FAAP100: variants seen among roughly 807,000 people sequenced by gnomAD.
The protein encoded by FAAP100 is Fanconi anemia core complex-associated protein 100.
In FAAP100, 46 loss-of-function variants were observed where a neutral mutation model predicts 65.8. The ratio of observed to expected loss-of-function variants is 0.70; its 90% CI spans 0.55 to 0.89. The LOEUF is 0.89. Ranked by LOEUF, FAAP100 falls within the 40% of genes least tolerant of loss-of-function variation. The pLI is 0.00. For synonymous variants in FAAP100, 663 were observed against 555.1 expected (o/e 1.19, Z -2.73); for missense variants, 1,165 against 1,196.7 (o/e 0.97, Z 0.39).
chr17:81,543,397 T>G (rs948920779), intron 7 of FAAP100, among the ~76,000 whole-genome samples: 4 of 152,190 alleles, frequency 2.6e-5, no homozygotes, highest in African/African-American at 9.7e-5. Context: ...GCTACAGTCC[T>G]AGCGGGCGGG....
At chr17:81,551,347 C>T in intron 2 of FAAP100, 144 bp from the exon 3 acceptor site, 1 of 775,146 alleles carries the variant, frequency 1.3e-6, no homozygotes, top group South Asian at 2.3e-5. Context: ...TGCCACATGG[C>T]CTCCCACCTT....
upstream of FAAP100, among the ~76,000 whole-genome samples, chr17:81,552,858 C>CG (rs900176822): frequency 6.6e-6 from 1 of 152,010 alleles, no homozygotes; most frequent in African/African-American, 2.4e-5. Flanking sequence ...TGCGAGCCGC[C>CG]CCGGCCGCCC....
rs548183580 is a variant in FAAP100 at position 81,550,176 on chromosome 17, G to C, written c.1246+72C>G. 6,514 of 1,387,934 alleles carry C rather than the reference G, an allele frequency of 4.7e-3. 22 individuals carry two copies. The highest frequency in any genetic ancestry group is 5.4e-3 in the Non-Finnish European group (5,446 of 1,014,458). The allele number at this position is 1,387,934 out of a possible 1,614,324, so 86.0% of individuals were successfully genotyped here. On this transcript the variant is annotated intron_variant, in intron 3 of 8. Transcript: ENST00000327787. ...CAAGCCCAGGAAAGGAAGGCGGCCT[G>C]ATAGTAGCAGACAGCCAAAAAGGGT... is the stretch of plus-strand genomic sequence containing the variant.
Position 81,540,221 on chromosome 17 carries a change from C to T in FAAP100, c.*598G>A, listed in dbSNP as rs2033031515. On this transcript the variant is annotated 3_prime_UTR_variant, in exon 9 of 9. Coordinates refer to ENST00000327787, the MANE Select transcript of FAAP100 (RefSeq NM_025161.6). ...CCTTGGTGTGGCACGAGACCACGGG[C>T]ACTTGCAGGAGCTCCCTGCATGCTG... 2.5e-6 allele frequency: 1 copy of T among 399,016 alleles called. No homozygotes were observed. The allele number at this position is 399,016 out of a possible 1,614,324, so 24.7% of individuals were successfully genotyped here.
intron 5 of FAAP100, 114 bp from the exon 6 acceptor site, chr17:81,545,996 T>G: frequency 7.4e-7 from 1 of 1,354,358 alleles, no homozygotes; most frequent in Admixed American, 2.5e-5. Context: ...CAGAGCCATC[T>G]AAGCATCCCA....
intron 7 of FAAP100, among the ~76,000 whole-genome samples, chr17:81,541,698 C>T (rs2033102141): frequency 6.6e-6 from 1 of 152,200 alleles, no homozygotes; most frequent in Admixed American, 6.5e-5. Flanking sequence ...AGATCCAGAC[C>T]TGCCTACCGC....
At chr17:81,541,041 T>C in intron 8 of FAAP100, 91 bp from the exon 9 acceptor site, 1 of 1,434,580 alleles carries the variant, frequency 7.0e-7, no homozygotes. Context: ...CGCAGGACCC[T>C]ACTTGGGAAG....
At chr17:81,549,466 C>T in intron 3 of FAAP100, 104 bp from the exon 4 acceptor site, 1 of 1,392,038 alleles carries the variant, frequency 7.2e-7, no homozygotes. Context: ...TGGAAGACGG[C>T]CAAGGCCAGT....
chr17:81,545,652 C>T, intron 6 of FAAP100, 94 bp downstream of exon 6: 1 of 1,458,850 alleles, frequency 6.9e-7, no homozygotes, highest in Non-Finnish European at 9.2e-7. Context: ...GCCAGGCCCC[C>T]ACCCAGGGTG....
rs1375717029 is a variant in FAAP100, at chr17:81,547,693, C to A, written c.1404-15G>T. On this transcript the variant is annotated splice_polypyrimidine_tract_variant and intron_variant, in intron 4 of 8. Transcript: ENST00000327787. ...GAAAAGACACTCTGCGAAGGACAGACATGACCCCCGGGAGCGGGGGGACAC... is the reference window on the plus strand; with the variant it reads ...GAAAAGACACTCTGCGAAGGACAGAAATGACCCCCGGGAGCGGGGGGACAC... 1.9e-6 allele frequency: 3 copies of A among 1,607,104 alleles called. No individual in the cohort carries two copies. In the East Asian group the frequency reaches 6.7e-5, roughly 36 times the overall value.
chr17:81,543,123 C>T (rs1247144217), intron 7 of FAAP100, among the ~76,000 whole-genome samples: 1 of 152,228 alleles, frequency 6.6e-6, no homozygotes, highest in Non-Finnish European at 1.5e-5. Context: ...TTGATGTGTT[C>T]ATTGGGGTCG....
chr17:81,545,991 C>A, intron 5 of FAAP100, 109 bp from the exon 6 acceptor site: 1 of 1,375,428 alleles, frequency 7.3e-7, no homozygotes, highest in East Asian at 2.6e-5. Flanking sequence ...CTTCCCAGAG[C>A]CATCTAAGCA....
intron 4 of FAAP100, chr17:81,548,301 G>A: frequency 2.3e-6 from 1 of 429,230 alleles, no homozygotes; most frequent in Non-Finnish European, 4.2e-6. Flanking sequence ...CAGGGAGGGT[G>A]AGGACTCAGC....
At chr17:81,551,754 T>C (rs1418584503) in intron 2 of FAAP100, 174 bp downstream of exon 2, 2 of 1,365,634 alleles carry the variant, frequency 1.5e-6, no homozygotes, top group Non-Finnish European at 1.9e-6. Flanking sequence ...GCAAGACACT[T>C]GCAGAAAGAG....
In FAAP100 at chr17:81,550,849, G is replaced by A. The variant is rs374752995; in HGVS notation, c.645C>T (p.Ser215=). The change falls in exon 3 of 9, where the codon TCC becomes TCT. Residue 215 remains serine (S), a synonymous_variant. Coordinates refer to ENST00000327787, the MANE Select transcript of FAAP100 (RefSeq NM_025161.6). ...SRVPHDLLGG[S]GGFTLEDALF... is the part of the protein sequence containing the mutation. The stretch of plus-strand genomic sequence containing the variant: ...GGGCGTCCTCCAGCGTGAAGCCCCC[G>A]GAGCCCCCGAGGAGGTCGTGCGGGA... 64 of 1,611,910 alleles carry A rather than the reference G, an allele frequency of 4.0e-5. No homozygotes were observed. The highest frequency in any genetic ancestry group is 1.6e-4 in the South Asian group (15 of 90,950).
At chr17:81,546,477 T>C (rs951415907) in intron 5 of FAAP100, 86 of 163,376 alleles carry the variant, frequency 5.3e-4, no homozygotes, top group Non-Finnish European at 9.1e-4. Context: ...AAGCTCACAG[T>C]TTGCTCCTTT....
chr17:81,552,577 C>T (rs2033540557), upstream of FAAP100, among the ~76,000 whole-genome samples: 2 of 152,188 alleles, frequency 1.3e-5, no homozygotes, highest in African/African-American at 2.4e-5. Context: ...TTGACCCGGC[C>T]GGGCTGGTGG....
rs2033282652 is a variant in FAAP100 at position 81,545,917 on chromosome 17, ATCC to A, written c.2174-38_2174-36del. On this transcript the variant is annotated intron_variant, in intron 5 of 8. Transcript: ENST00000327787. The stretch of plus-strand genomic sequence containing the variant: ...AGGCATCAGCCGAGAGCTCAGCCTG[ATCC>A]TACCAGGTGGGCTCAGCCGATCCTA... The A allele has an allele frequency of 4.4e-6, 7 of 1,585,680 alleles. 1 individual carries two copies. The South Asian group carries it at 7.8e-5, about 18-fold the overall frequency.
intron 8 of FAAP100, 34 bp from the exon 9 acceptor site, chr17:81,540,984 A>C (rs1598587660): frequency 6.5e-7 from 1 of 1,539,318 alleles, no homozygotes; most frequent in East Asian, 2.3e-5. Context: ...CAGGCCCCCC[A>C]CCTGGCCCTG....
Sources: gnomAD v4.1 joint callset for allele counts (sites outside exome capture counted in the v4.1 genomes callset) on GRCh38, gnomAD v4.1.1 for gene constraint, MANE v1.5 for transcripts, NCBI Gene and HGNC (gene_info 2026-07-23, HGNC 2026-07-21) for gene names.